Variants in PFKM observed in about 807,000 individuals in gnomAD.
The protein encoded by PFKM is ATP-dependent 6-phosphofructokinase, muscle type.
A neutral mutation model predicts 95.5 loss-of-function variants in PFKM; 58 were observed. The observed-to-expected ratio is 0.61, with a 90% CI of 0.49 to 0.76. The LOEUF is 0.76. Ranked by LOEUF, PFKM falls within the 30% of genes least tolerant of loss-of-function variation. The pLI, the probability that PFKM is intolerant of heterozygous loss-of-function variation, is 0.00. For synonymous variants in PFKM, 336 were observed against 357.2 expected, an observed-to-expected ratio of 0.94 and a Z score of 0.67; for missense variants, 678 against 1,005.4, an observed-to-expected ratio of 0.67 and a Z score of 4.40.
Position 48,146,208 on chromosome 12 carries a change from CAG to C in PFKM, c.*501_*502del, listed in dbSNP as rs1592836332. On this transcript the variant is annotated 3_prime_UTR_variant, in exon 23 of 23. Coordinates refer to ENST00000359794, the MANE Select transcript of PFKM (RefSeq NM_000289.6). ...AGCAGTAAAGACGTTAAGGGTATCA[CAG>C]GGGGTGGAGGAAGGGATTATCTCTA... is the stretch of plus-strand genomic sequence containing the variant. The C allele has an allele frequency of 5.5e-6, 1 of 181,338 alleles. No homozygotes were observed. The highest frequency in any genetic ancestry group is 1.2e-5 in the Non-Finnish European group (1 of 84,282). The allele number at this position is 181,338 out of a possible 1,614,324, so 11.2% of individuals were successfully genotyped here.
rs776432077 is a variant in PFKM, at chr12:48,135,029, C to T, written c.834C>T (p.Asp278=). The T allele has an allele frequency of 2.4e-5, 38 of 1,611,032 alleles. No homozygotes were observed. Among genetic ancestry groups the T allele is most frequent in the Non-Finnish European group, 3.1e-5 (36 of 1,177,312 alleles). The change falls in exon 9 of 23, where the codon GAC becomes GAT. Residue 278 remains aspartate, a synonymous_variant. Coordinates refer to ENST00000359794, the MANE Select transcript of PFKM (RefSeq NM_000289.6). ...DKNGKPITSE[D]IKNLVVKRLG... ...ATGGAAAACCAATCACCTCAGAAGA[C>T]ATCAAGAATGTTCGTATGAATGAAG...
At chr12:48,108,404 G>A (rs1022161106) in intron 3 of PFKM, among the ~76,000 whole-genome samples, 10 of 152,022 alleles carry the variant, frequency 6.6e-5, no homozygotes, top group African/African-American at 2.4e-4. Flanking sequence ...AGGGAGAGAG[G>A]TGGGGATGGA....
At position 48,145,103 on chromosome 12, in the gene PFKM, G is replaced by A. The variant is rs1950919240; in HGVS notation, c.2065G>A (p.Gly689Arg). ...MGAKAMNWMSGKIKESYRNGR... is the reference protein window; with the variant it reads ...MGAKAMNWMSRKIKESYRNGR... Reference sequence around the variant, plus strand: ...CGCCAAGGCTATGAACTGGATGTCTGGGAAAATCAAAGAGAGTTACCGTAA... The same window carrying A: ...CGCCAAGGCTATGAACTGGATGTCTAGGAAAATCAAAGAGAGTTACCGTAA... Residue 689 changes from glycine (G) to arginine (R), a missense_variant, in exon 21 of 23, where the codon GGG (glycine) becomes AGG (arginine). Transcript: ENST00000359794. The surrounding 1 kb of genome is among the most constrained non-coding windows in gnomAD (Gnocchi z 4.3). The A allele has an allele frequency of 6.2e-7, 1 of 1,614,030 alleles. No individual in the cohort carries two copies. Among genetic ancestry groups the A allele is most frequent in the African/African-American group, 1.3e-5 (1 of 74,934 alleles).
At chr12:48,105,487 G>C, upstream of PFKM, 1 of 519,134 alleles carries the variant, frequency 1.9e-6, no homozygotes, top group South Asian at 1.4e-5. Flanking sequence ...GTTTCTTTCT[G>C]ATGGTGGCAC....
At chr12:48,114,070 G>C (rs556738572) in intron 3 of PFKM, among the ~76,000 whole-genome samples, 1 of 152,094 alleles carries the variant, frequency 6.6e-6, no homozygotes, top group Admixed American at 6.5e-5. Context: ...CTGGGGAATC[G>C]GCCGGATAGT....
intron 13 of PFKM, among the ~76,000 whole-genome samples, chr12:48,140,273 A>G (rs567666022): frequency 2.3e-4 from 35 of 152,340 alleles, no homozygotes; most frequent in African/African-American, 7.9e-4. Context: ...AGTGGTTCTC[A>G]ATATTAAGTA....
intron 11 of PFKM, 105 bp from the exon 12 acceptor site, chr12:48,139,180 C>A: frequency 1.2e-6 from 1 of 865,990 alleles, no homozygotes; most frequent in Non-Finnish European, 2.0e-6. Context: ...TGGACAGGAT[C>A]TAGTCACAAT....
At chr12:48,105,862 G>C, upstream of PFKM, 1 of 605,574 alleles carries the variant, frequency 1.7e-6, no homozygotes, top group Admixed American at 2.9e-5. Flanking sequence ...CAGCAGGGGG[G>C]AGGGGAGGTG....
intron 10 of PFKM, chr12:48,137,461 A>G: frequency 3.7e-6 from 2 of 542,400 alleles, no homozygotes; most frequent in Non-Finnish European, 6.6e-6. Flanking sequence ...AGCCCCAGTA[A>G]TCCTGTTGAT....
intron 20 of PFKM, among the ~76,000 whole-genome samples, chr12:48,144,572 C>T (rs1950859240): frequency 6.6e-6 from 1 of 152,152 alleles, no homozygotes; most frequent in African/African-American, 2.4e-5. Flanking sequence ...TCCCACTTTC[C>T]CACCTGCTTC....
intron 10 of PFKM, among the ~76,000 whole-genome samples, chr12:48,135,778 A>G (rs1950023478): frequency 6.6e-6 from 1 of 152,176 alleles, no homozygotes; most frequent in Admixed American, 6.5e-5. Flanking sequence ...TCACCAGGAT[A>G]TTGACATTGA....
intron 6 of PFKM, among the ~76,000 whole-genome samples, chr12:48,133,887 G>A (rs1949781662): frequency 6.6e-6 from 1 of 152,150 alleles, no homozygotes; most frequent in Non-Finnish European, 1.5e-5. Flanking sequence ...TAGGATGGGA[G>A]GATAGAAGGG....
chr12:48,140,649 C>A, intron 13 of PFKM, 73 bp from the exon 14 acceptor site: 1 of 1,484,480 alleles, frequency 6.7e-7, no homozygotes, highest in Non-Finnish European at 9.4e-7. Flanking sequence ...AGCCCTTGCC[C>A]TCCTTTACTA....
rs1313998695 is a variant in PFKM, at chr12:48,135,311, A to G, written c.864A>G (p.Gly288=). ...TTCAGCTGGTGGTTAAGCGTCTGGG[A>G]TATGACACCCGGGTTACTGTCTTGG... ...DIKNLVVKRL[G]YDTRVTVLGH... Residue 288 remains glycine, a synonymous_variant, in exon 10 of 23, where the codon GGA becomes GGG. Transcript: ENST00000359794. 2 of 1,613,908 alleles carry G rather than the reference A, an allele frequency of 1.2e-6. No individual in the cohort carries two copies. The highest frequency in any genetic ancestry group is 1.7e-6 in the Non-Finnish European group (2 of 1,179,946).
At chr12:48,107,861 C>T (rs1406685242) in intron 2 of PFKM, among the ~76,000 whole-genome samples, 1 of 152,194 alleles carries the variant, frequency 6.6e-6, no homozygotes, top group Non-Finnish European at 1.5e-5. Flanking sequence ...ATCCACCCCA[C>T]CTCAAAGTAT....
upstream of PFKM, among the ~76,000 whole-genome samples, chr12:48,115,419 GT>G (rs1183409051): frequency 1.3e-5 from 2 of 152,182 alleles, no homozygotes; most frequent in Non-Finnish European, 2.9e-5. Flanking sequence ...TAAGAGCAAT[GT>G]TTTGAGGGAA....
intron 12 of PFKM, 72 bp downstream of exon 12, chr12:48,139,421 T>C (rs1422028357): frequency 8.6e-7 from 1 of 1,164,486 alleles, no homozygotes; most frequent in Non-Finnish European, 1.3e-6. Context: ...TCTCCATGGC[T>C]CCAGGCCCAA....
chr12:48,108,009 A>T, intron 2 of PFKM: 1 of 1,557,186 alleles, frequency 6.4e-7, no homozygotes. Flanking sequence ...AATGAAAGGG[A>T]GTAAGGAACA....
In PFKM at chr12:48,145,836, T is replaced by C; in HGVS notation, c.*128T>C. On this transcript the variant is annotated 3_prime_UTR_variant, in exon 23 of 23. Transcript: ENST00000359794. This position sits in a 1 kb window ranked among gnomAD's most constrained non-coding sequence, Gnocchi z 4.3. ...CCTTTTATTCTGTACCTTGCAGCCA[T>C]GACCAGTTCTGGCCAGGAGCTGGAG... The C allele has an allele frequency of 9.6e-6, 10 of 1,038,084 alleles. No homozygotes were observed. Among genetic ancestry groups the C allele is most frequent in the Admixed American group, 5.9e-5 (3 of 50,892 alleles). The allele number at this position is 1,038,084 out of a possible 1,614,324, so 64.3% of individuals were successfully genotyped here. A position where few individuals can be genotyped will look rare whatever the true frequency, so the allele number is the denominator to read the frequency against.
Sources: gnomAD v4.1 joint callset for allele counts (sites outside exome capture counted in the v4.1 genomes callset) on GRCh38, gnomAD v4.1.1 for gene constraint, Gnocchi (gnomAD v3.1) non-coding constraint, MANE v1.5 for transcripts, NCBI Gene and HGNC (gene_info 2026-07-23, HGNC 2026-07-21) for gene names.